HKDC1: variants seen among roughly 807,000 people sequenced by gnomAD.
HKDC1 encodes the protein hexokinase domain containing 1.
Under a neutral mutation model 96.6 loss-of-function variants are expected in HKDC1, and 66 were observed. The ratio of observed to expected loss-of-function variants is 0.68; its 90% confidence interval spans 0.56 to 0.84. The LOEUF is 0.84. Ranked by LOEUF, HKDC1 falls within the 40% of genes least tolerant of loss-of-function variation. The pLI is 0.00. For missense variants in HKDC1, 1,211 were observed against 1,208.1 expected, an observed-to-expected ratio of 1.00 and a Z score of -0.04; for synonymous variants, 466 against 473.1, an observed-to-expected ratio of 0.98 and a Z score of 0.20.
At chr10:69,234,754 G>T (rs1046014039) in intron 4 of HKDC1, among the ~76,000 whole-genome samples, 1 of 152,206 alleles carries the variant, frequency 6.6e-6, no homozygotes, top group Non-Finnish European at 1.5e-5. Context: ...GTTTTTGGAG[G>T]GCAAGCAGTG....
chr10:69,244,051 C>A (rs1438000073), intron 7 of HKDC1, among the ~76,000 whole-genome samples: 1 of 151,988 alleles, frequency 6.6e-6, no homozygotes, highest in Non-Finnish European at 1.5e-5. Flanking sequence ...GTTCGCATGT[C>A]CCCCAGCCGC....
chr10:69,233,739 A>ACCAGC (rs1843313771), intron 4 of HKDC1, among the ~76,000 whole-genome samples: 1 of 151,978 alleles, frequency 6.6e-6, no homozygotes, highest in Non-Finnish European at 1.5e-5. Context: ...TCTACTAAAA[A>ACCAGC]TGCAAAAAAT....
intron 5 of HKDC1, 90 bp from the exon 6 acceptor site, chr10:69,240,562 C>T: frequency 2.9e-6 from 3 of 1,048,070 alleles, no homozygotes; most frequent in African/African-American, 1.6e-5. Context: ...TCTCAGCAGC[C>T]ACCTTCACTA....
Position 69,233,026 on chromosome 10 carries a change from G to A in HKDC1, c.388G>A (p.Val130Ile), listed in dbSNP as rs1843296317. The A allele has an allele frequency of 6.2e-7, 1 of 1,614,064 alleles. No homozygotes were observed. Among genetic ancestry groups the A allele is most frequent in the Non-Finnish European group, 8.5e-7 (1 of 1,180,044 alleles). Residue 130 changes from valine to isoleucine, a missense_variant, in exon 4 of 18, where the codon GTA becomes ATA. Physicochemically the swap from Val to Ile is conservative, Grantham distance 29. Transcript: ENST00000354624. ...RGNGTELFEYVADCLADFMKT... is the reference protein window; with the variant it reads ...RGNGTELFEYIADCLADFMKT... Reference sequence around the variant, plus strand: ...CTCTTCTCTGCAGCTGTTTGAATATGTAGCTGACTGTCTGGCAGATTTCAT... The same window carrying A: ...CTCTTCTCTGCAGCTGTTTGAATATATAGCTGACTGTCTGGCAGATTTCAT...
intron 7 of HKDC1, among the ~76,000 whole-genome samples, chr10:69,244,152 G>T (rs1843500829): frequency 6.6e-6 from 1 of 152,128 alleles, no homozygotes; most frequent in Non-Finnish European, 1.5e-5. Flanking sequence ...TTATTTTGAT[G>T]CTCAAATTGT....
intron 2 of HKDC1, among the ~76,000 whole-genome samples, chr10:69,231,466 G>T (rs969672234): frequency 6.6e-6 from 1 of 151,986 alleles, no homozygotes; most frequent in Admixed American, 6.6e-5. Context: ...TCCTTTGCCC[G>T]TGGTTCCTCT....
intron 1 of HKDC1, chr10:69,222,750 C>T (rs1278284063): frequency 6.6e-6 from 1 of 152,186 alleles, no homozygotes; most frequent in African/African-American, 2.4e-5. Flanking sequence ...AAGTTGGAAG[C>T]ACTTTTATAG....
Position 69,261,178 on chromosome 10 carries a change from T to G in HKDC1, c.2256T>G (p.Ile752Met), listed in dbSNP as rs750234658. ...CCAGTGGGATGTACTTGGGGGAGAT[T>G]GTGCGGCAGATCCTGATCGACCTGA... is the stretch of plus-strand genomic sequence containing the variant. ...KMTSGMYLGE[I>M]VRQILIDLTK... Residue 752 changes from isoleucine to methionine, a missense_variant, in exon 16 of 18, where the codon ATT becomes ATG. Physicochemically the swap from Ile to Met is conservative, Grantham distance 10. Transcript: ENST00000354624. The G allele has an allele frequency of 2.5e-6, 4 of 1,614,018 alleles. No homozygotes were observed. Among genetic ancestry groups the G allele is most frequent in the Non-Finnish European group, 3.4e-6 (4 of 1,179,956 alleles).
chr10:69,225,153 A>C (rs1055485559), intron 1 of HKDC1, among the ~76,000 whole-genome samples: 4 of 152,160 alleles, frequency 2.6e-5, no homozygotes, highest in African/African-American at 9.7e-5. Flanking sequence ...AAATGACCCC[A>C]ACTGGGTCTC....
intron 10 of HKDC1, among the ~76,000 whole-genome samples, chr10:69,249,934 G>T (rs1450689097): frequency 6.6e-6 from 1 of 152,236 alleles, no homozygotes; most frequent in Non-Finnish European, 1.5e-5. Flanking sequence ...TTTTGCAGAT[G>T]TGGAAGGATG....
chr10:69,231,464 C>T (rs1843259378), intron 2 of HKDC1, among the ~76,000 whole-genome samples: 1 of 152,098 alleles, frequency 6.6e-6, no homozygotes, highest in Non-Finnish European at 1.5e-5. Flanking sequence ...ATTCCTTTGC[C>T]CGTGGTTCCT....
intron 1 of HKDC1, among the ~76,000 whole-genome samples, chr10:69,225,170 CA>C (rs1020500007): frequency 6.6e-6 from 1 of 152,212 alleles, no homozygotes; most frequent in African/African-American, 2.4e-5. Context: ...TCTCAAAAAA[CA>C]GGACTTACAT....
At chr10:69,237,360 T>TA (rs1257483800) in intron 4 of HKDC1, among the ~76,000 whole-genome samples, 2 of 151,296 alleles carry the variant, frequency 1.3e-5, no homozygotes, top group African/African-American at 4.9e-5. Context: ...TTTCAAGGTT[T>TA]AAAAAAAGAG....
At chr10:69,223,385 G>A (rs763314797) in intron 1 of HKDC1, among the ~76,000 whole-genome samples, 4 of 152,022 alleles carry the variant, frequency 2.6e-5, no homozygotes, top group Admixed American at 6.6e-5. Context: ...ATACAGTTCT[G>A]AACTGCTTCC....
chr10:69,223,377 A>G (rs900317691), intron 1 of HKDC1, among the ~76,000 whole-genome samples: 7 of 152,178 alleles, frequency 4.6e-5, no homozygotes, highest in Admixed American at 6.5e-5. Context: ...TAAGGTACAT[A>G]CAGTTCTGAA....
chr10:69,242,877 C>T (rs1843474558), intron 6 of HKDC1, among the ~76,000 whole-genome samples: 1 of 152,216 alleles, frequency 6.6e-6, no homozygotes, highest in South Asian at 2.1e-4. Flanking sequence ...AGATTATCTT[C>T]ATTTGTCCTC....
chr10:69,264,833 G>T (rs1213783777), intron 16 of HKDC1, among the ~76,000 whole-genome samples: 2 of 152,178 alleles, frequency 1.3e-5, no homozygotes, highest in African/African-American at 4.8e-5. Context: ...ACTTCACATT[G>T]CTTGGTGTGG....
Position 69,220,504 on chromosome 10 carries a change from G to A in HKDC1, c.63+6G>A. ...AGGAGGACCAGATCAAGAAGGTAAG[G>A]AGGACCCACGAAGCTGAGAGATGCC... On this transcript the variant is annotated splice_donor_region_variant and intron_variant, in intron 1 of 17. Transcript: ENST00000354624. 1.9e-6 allele frequency: 3 copies of A among 1,580,112 alleles called. No homozygotes were observed. The highest frequency in any genetic ancestry group is 2.6e-6 in the Non-Finnish European group (3 of 1,164,656).
At position 69,266,744 on chromosome 10, in the gene HKDC1, A is replaced by G. The variant is rs566448829; in HGVS notation, c.2741A>G (p.Gln914Arg). The G allele has an allele frequency of 1.3e-5, 21 of 1,612,148 alleles. No homozygotes were observed. In the South Asian group the frequency reaches 2.3e-4, roughly 18 times the overall value. The change falls in exon 18 of 18, where the codon CAG (glutamine) becomes CGG (arginine). Residue 914 changes from glutamine to arginine, a missense_variant. Gln to Arg is a conservative substitution (Grantham distance 43). Transcript: ENST00000354624. Reference sequence around the variant, plus strand: ...GTGGCCAAGAGGTTACAGCAGGCACAGAAGGAGAACTAGGAACCCCTGGGA... The same window carrying G: ...GTGGCCAAGAGGTTACAGCAGGCACGGAAGGAGAACTAGGAACCCCTGGGA... ...TAVAKRLQQA[Q>R]KEN
Sources: gnomAD v4.1 joint callset for allele counts (sites outside exome capture counted in the v4.1 genomes callset) on GRCh38, gnomAD v4.1.1 for gene constraint, MANE v1.5 for transcripts, NCBI Gene and HGNC (gene_info 2026-07-23, HGNC 2026-07-21) for gene names.